NCAPD3: variants seen among roughly 807,000 people sequenced by gnomAD.
NCAPD3 encodes the protein non-SMC condensin II complex subunit D3.
A neutral mutation model predicts 182.9 loss-of-function variants in NCAPD3; 105 were observed. The observed-to-expected ratio is 0.57, with a 90% CI of 0.49 to 0.68. The LOEUF (loss-of-function observed/expected upper bound fraction) is 0.68. NCAPD3 is among the 30% of genes least tolerant of loss of function. NCAPD3 has a pLI of 0.00. For missense variants in NCAPD3, 1,944 were observed against 1,837.0 expected (o/e 1.06, Z -1.07); for synonymous variants, 815 against 679.9 (o/e 1.20, Z -3.09).
At chr11:134,223,717 G>C (rs1938334510) in intron 1 of NCAPD3, 146 bp downstream of exon 1, 2 of 919,336 alleles carry the variant, frequency 2.2e-6, no homozygotes, top group South Asian at 3.2e-5. Flanking sequence ...ATCCTGGCGT[G>C]GCACGGCCCT....
rs185906594 is a variant in NCAPD3, at chr11:134,153,153, G to T, written c.4375C>A (p.Leu1459Met). 3.9e-5 allele frequency: 63 copies of T among 1,613,982 alleles called. No individual in the cohort carries two copies. The African/African-American group carries it at 6.9e-4, about 18-fold the overall frequency. ...TGCTAAACTTACGGTTTATCAGGCA[G>T]TGATAAACATAAGATGTCATTTCCT... The part of the protein sequence containing the change: ...SQGNDILCLS[L>M]PDKPPPQPQQ... Residue 1459 changes from leucine (L) to methionine (M), a missense_variant, in exon 34 of 35, where the codon CTG (leucine) becomes ATG (methionine). Leu to Met is a conservative substitution (Grantham distance 15). Coordinates refer to ENST00000534548, the MANE Select transcript of NCAPD3 (RefSeq NM_015261.3).
At chr11:134,169,754 C>T (rs949554742) in intron 24 of NCAPD3, among the ~76,000 whole-genome samples, 1 of 152,218 alleles carries the variant, frequency 6.6e-6, no homozygotes, top group Non-Finnish European at 1.5e-5. Flanking sequence ...TGTTTGACTA[C>T]AGGCCACCAC....
chr11:134,150,924 T>G lies in NCAPD3; in HGVS notation c.*2020A>C, dbSNP rs1943208610. ...TGAAACGCCTGAATCAAAAGCAGTT[T>G]TCTAATTTTGACTTTAAATTTTTCA... On this transcript the variant is annotated 3_prime_UTR_variant, in exon 35 of 35. Coordinates refer to ENST00000534548, the MANE Select transcript of NCAPD3 (RefSeq NM_015261.3). 6.6e-6 allele frequency: 1 copy of G among 152,188 alleles called. No individual in the cohort carries two copies. The highest frequency in any genetic ancestry group is 1.5e-5 in the Non-Finnish European group (1 of 68,022). The allele number at this position is 152,188 out of a possible 1,614,324, so 9.4% of individuals were successfully genotyped here. A position where few individuals can be genotyped will look rare whatever the true frequency, so the allele number is the denominator to read the frequency against.
At chr11:134,171,546 C>G (rs906858163) in intron 24 of NCAPD3, among the ~76,000 whole-genome samples, 16 of 152,192 alleles carry the variant, frequency 1.1e-4, no homozygotes, top group Non-Finnish European at 1.9e-4. Flanking sequence ...TACAACACAT[C>G]TATCTCAGGT....
chr11:134,164,967 G>C (rs985729713), intron 27 of NCAPD3, among the ~76,000 whole-genome samples: 1 of 150,812 alleles, frequency 6.6e-6, no homozygotes, highest in South Asian at 2.1e-4. Context: ...CATAAGCTTA[G>C]GGGAGTGGCA....
chr11:134,161,420 C>A (rs1943576873), intron 28 of NCAPD3, among the ~76,000 whole-genome samples: 1 of 152,150 alleles, frequency 6.6e-6, no homozygotes, highest in South Asian at 2.1e-4. Flanking sequence ...GGTAAGCACC[C>A]TGAAATCAAA....
rs187982305 is a variant in NCAPD3 at position 134,193,227 on chromosome 11, A to C, written c.1825-318T>G. 4.2e-3 allele frequency among the ~76,000 whole-genome samples: 635 copies of C among 152,338 alleles called. 4 individuals carry two copies. Among genetic ancestry groups the C allele is most frequent in the African/African-American group, 0.015 (609 of 41,594 alleles). On this transcript the variant is annotated intron_variant, in intron 15 of 34. Transcript: ENST00000534548. ...AATTAGAACAGATGCTGACAGAAAA[A>C]GTCAAAATATGCATTGCTTAATGCC...
rs1944200168 is a variant in NCAPD3 at position 134,177,554 on chromosome 11, C to CA, written c.2783-98dup. ...TACATCTTGCTAATGGCTTCTATTT[C>CA]ATCAAAGTTAAAACATCATGCCCAC... On this transcript the variant is annotated intron_variant, in intron 22 of 34. Transcript: ENST00000534548. 3.7e-6 allele frequency: 4 copies of CA among 1,070,186 alleles called. 1 individual carries two copies. The South Asian group carries it at 6.0e-5, about 16-fold the overall frequency. 66.3% of individuals were successfully genotyped at this position (1,070,186 alleles called of 1,614,324 possible).
At position 134,188,605 on chromosome 11, in the gene NCAPD3, T is replaced by C. The variant is rs189072996; in HGVS notation, c.2046-3079A>G. Among the ~76,000 whole-genome samples the C allele has an allele frequency of 4.2e-3, 636 of 152,154 alleles. 4 individuals carry two copies. The highest frequency in any genetic ancestry group is 0.015 in the African/African-American group (609 of 41,496). Reference sequence around the variant, plus strand: ...ACCAGGAGGAACAAACAACTCCGGATGTGCCACCTTTAAGAGCTGTAACAC... The same window carrying C: ...ACCAGGAGGAACAAACAACTCCGGACGTGCCACCTTTAAGAGCTGTAACAC... On this transcript the variant is annotated intron_variant, in intron 16 of 34. Transcript: ENST00000534548.
At chr11:134,206,896 G>C (rs1272092349) in intron 7 of NCAPD3, among the ~76,000 whole-genome samples, 164 bp from the exon 8 acceptor site, 1 of 152,144 alleles carries the variant, frequency 6.6e-6, no homozygotes, top group Non-Finnish European at 1.5e-5. Flanking sequence ...ACAATGAGCA[G>C]GGATACAATA....
rs375647489 is a variant in NCAPD3, at chr11:134,203,170, G to T, written c.1497C>A (p.His499Gln). The T allele has an allele frequency of 1.3e-6, 2 of 1,598,416 alleles. No homozygotes were observed. Among genetic ancestry groups the T allele is most frequent in the African/African-American group, 1.3e-5 (1 of 74,618 alleles). The change falls in exon 12 of 35, where the codon CAC becomes CAA. Residue 499 changes from histidine to glutamine, a missense_variant. Physicochemically the swap from His to Gln is conservative, Grantham distance 24. Around this residue, in one of 3 missense-constraint regions of NCAPD3, gnomAD observed 1,803 missense variants for 1,674.6 expected, o/e 1.08. Coordinates refer to ENST00000534548, the MANE Select transcript of NCAPD3 (RefSeq NM_015261.3). ...NSPTFSVIES[H>Q]PGTLLRNSSA... ...ATGAATTTCTCAGTAAGGTACCAGG[G>T]TGACTCTCTATTACAGAAAACGTAG...
At chr11:134,208,995 C>T (rs921486220) in intron 6 of NCAPD3, 44 bp from the exon 7 acceptor site, 11 of 1,503,336 alleles carry the variant, frequency 7.3e-6, no homozygotes, top group Non-Finnish European at 1.0e-5. Flanking sequence ...TATGATTTTA[C>T]TTGGAATATT....
chr11:134,157,041 T>G lies in NCAPD3; in HGVS notation c.4229A>C (p.Lys1410Thr). ...ACTCTCGGGGGTGCTGATGGCCCGC[T>G]TGGTCACGTGCTCAATCTCGCCATT... ...ESNGEIEHVT[K>T]RAISTPEKSI... The change falls in exon 32 of 35, where the codon AAG becomes ACG. Residue 1410 changes from lysine (K) to threonine (T), a missense_variant. Lys to Thr is a moderately conservative substitution (Grantham distance 78, BLOSUM62 -1). Transcript: ENST00000534548. 1 of 1,612,772 alleles carries G rather than the reference T, an allele frequency of 6.2e-7. No homozygotes were observed. The highest frequency in any genetic ancestry group is 1.1e-5 in the South Asian group (1 of 90,858).
chr11:134,168,171 G>A lies in NCAPD3; in HGVS notation c.3398C>T (p.Pro1133Leu). Residue 1133 changes from proline to leucine, a missense_variant, in exon 27 of 35, where the codon CCC (proline) becomes CTC (leucine). Pro to Leu is a moderately conservative substitution (Grantham distance 98). Around this residue, in one of 3 missense-constraint regions of NCAPD3, gnomAD observed 1,803 missense variants for 1,674.6 expected, o/e 1.08. Transcript: ENST00000534548. Reference protein sequence around the residue: ...ILACFADGILPLDLDASELLS... With the variant: ...ILACFADGILLLDLDASELLS... ...TAACTCACTGGCGTCCAGGTCCAGG[G>A]GTAGGATGCCATCAGCAAAGCACGC... 6.2e-7 allele frequency: 1 copy of A among 1,614,072 alleles called. No individual in the cohort carries two copies. The highest frequency in any genetic ancestry group is 2.2e-5 in the East Asian group (1 of 44,890).
chr11:134,205,368 C>G (rs1234188681), intron 8 of NCAPD3, among the ~76,000 whole-genome samples: 1 of 151,992 alleles, frequency 6.6e-6, no homozygotes, highest in Non-Finnish European at 1.5e-5. Context: ...AAACTTTAAC[C>G]CAATAAGAAA....
chr11:134,181,197 A>C lies in NCAPD3; in HGVS notation c.2452-13T>G, dbSNP rs1944288753. The C allele has an allele frequency of 6.3e-7, 1 of 1,595,660 alleles. No homozygotes were observed. ...GCGTCAGCAATTCCTACGGCAAGTCAAAAGTCATCTCTGAAGGGCCCCGCA... is the reference window on the plus strand; with the variant it reads ...GCGTCAGCAATTCCTACGGCAAGTCCAAAGTCATCTCTGAAGGGCCCCGCA... On this transcript the variant is annotated splice_polypyrimidine_tract_variant and intron_variant, in intron 19 of 34. Transcript: ENST00000534548.
intron 22 of NCAPD3, 194 bp from the exon 23 acceptor site, chr11:134,177,651 A>T: frequency 6.8e-6 from 4 of 591,004 alleles, no homozygotes; most frequent in Non-Finnish European, 1.2e-5. Context: ...CCTAAGGAGA[A>T]ATAAACTCCC....
chr11:134,184,802 G>GGT (rs766647289), intron 18 of NCAPD3, 50 bp from the exon 19 acceptor site: 2 of 1,162,890 alleles, frequency 1.7e-6, no homozygotes. Context: ...AATATATTCA[G>GGT]GTATATATAC....
At chr11:134,187,154 A>G (rs905765654) in intron 16 of NCAPD3, among the ~76,000 whole-genome samples, 2 of 151,912 alleles carry the variant, frequency 1.3e-5, no homozygotes, top group Admixed American at 6.6e-5. Flanking sequence ...GACCCAACAC[A>G]CTAACTTCTA....
Sources: allele counts gnomAD v4.1 joint callset (sites outside exome capture counted in the v4.1 genomes callset), GRCh38; gene constraint gnomAD v4.1.1; regional missense constraint gnomAD v4.1.1; transcripts MANE v1.5; gene names NCBI Gene and HGNC (gene_info 2026-07-23, HGNC 2026-07-21).